GPC5: variants seen among roughly 807,000 people sequenced by gnomAD.
GPC5 encodes glypican-5.
A neutral mutation model predicts 53.9 loss-of-function variants in GPC5; 47 were observed. That is an observed-to-expected ratio of 0.87 (90% CI 0.69 to 1.11). The LOEUF (loss-of-function observed/expected upper bound fraction) is 1.11, where lower values mean the gene tolerates loss of function less well. Among genes scored for constraint, GPC5 ranks in the 50% most tolerant of loss-of-function variants. The probability of loss-of-function intolerance (pLI) is 0.00; values close to 1 mark genes in which losing one functional copy is unlikely to be tolerated. For missense variants in GPC5, 748 were observed against 713.1 expected, an observed-to-expected ratio of 1.05 and a Z score of -0.56; for synonymous variants, 286 against 263.3, an observed-to-expected ratio of 1.09 and a Z score of -0.84.
At chr13:92,292,049 C>T (rs2043000516) in intron 7 of GPC5, among the ~76,000 whole-genome samples, 1 of 152,196 alleles carries the variant, frequency 6.6e-6, no homozygotes, top group Non-Finnish European at 1.5e-5. Flanking sequence ...CAATTCCGGA[C>T]ACATATATAC....
intron 7 of GPC5, among the ~76,000 whole-genome samples, chr13:92,326,435 T>C (rs1350449933): frequency 6.6e-6 from 1 of 152,122 alleles, no homozygotes; most frequent in Non-Finnish European, 1.5e-5. Context: ...CCAGTGTGTA[T>C]ATGTATATGT....
intron 6 of GPC5, among the ~76,000 whole-genome samples, chr13:91,918,236 A>G (rs976805032): frequency 3.9e-5 from 6 of 152,040 alleles, no homozygotes; most frequent in Non-Finnish European, 7.4e-5. Flanking sequence ...CATAAGGGAA[A>G]CCACCCCCAT....
chr13:92,321,633 A>G (rs7994318), intron 7 of GPC5, among the ~76,000 whole-genome samples: 1 of 152,002 alleles, frequency 6.6e-6, no homozygotes, highest in African/African-American at 2.4e-5. Context: ...ACATACATAC[A>G]TACATACATA....
At chr13:91,423,856 T>G (rs2138994877) in intron 1 of GPC5, among the ~76,000 whole-genome samples, 1 of 152,330 alleles carries the variant, frequency 6.6e-6, no homozygotes, top group East Asian at 1.9e-4. Context: ...ATATATATAA[T>G]TACTATTTTT....
At chr13:92,072,569 A>ATTTTTTTTTTT (rs34169387) in intron 6 of GPC5, among the ~76,000 whole-genome samples, 1 of 103,996 alleles carries the variant, frequency 9.6e-6, no homozygotes. Context: ...TGGCCACTAA[A>ATTTTTTTTTTT]TTTTTTTTTT....
intron 5 of GPC5, among the ~76,000 whole-genome samples, chr13:91,822,377 A>G (rs575484220): frequency 6.6e-6 from 1 of 152,330 alleles, no homozygotes; most frequent in Admixed American, 6.5e-5. Context: ...GTCTGAAGCT[A>G]TACATATAGA....
intron 7 of GPC5, among the ~76,000 whole-genome samples, chr13:92,443,817 C>T (rs1877679623): frequency 6.6e-6 from 1 of 152,102 alleles, no homozygotes; most frequent in Admixed American, 6.6e-5. Flanking sequence ...ATAAGGAAGG[C>T]AGGGAAGGGA....
chr13:92,242,936 A>G, intron 7 of GPC5, among the ~76,000 whole-genome samples: 1 of 152,182 alleles, frequency 6.6e-6, no homozygotes, highest in Non-Finnish European at 1.5e-5. Context: ...CTATTCAATA[A>G]TATTCCCAAG....
chr13:92,801,540 T>C (rs1209292668), intron 7 of GPC5, among the ~76,000 whole-genome samples: 1 of 151,740 alleles, frequency 6.6e-6, no homozygotes, highest in East Asian at 1.9e-4. Context: ...TATTTTAGAG[T>C]GTACTCCTTC....
At chr13:91,591,269 T>TC (rs2032788077) in intron 2 of GPC5, among the ~76,000 whole-genome samples, 1 of 152,214 alleles carries the variant, frequency 6.6e-6, no homozygotes, top group African/African-American at 2.4e-5. Context: ...CTTCTTGCTT[T>TC]CATAAATTAT....
intron 2 of GPC5, among the ~76,000 whole-genome samples, chr13:91,572,254 C>T (rs1349483333): frequency 7.2e-6 from 1 of 138,152 alleles, no homozygotes; most frequent in Non-Finnish European, 1.5e-5. Flanking sequence ...TATATATATA[C>T]ACATATGTAT....
At chr13:92,158,627 T>G (rs902127803) in intron 7 of GPC5, among the ~76,000 whole-genome samples, 8 of 152,148 alleles carry the variant, frequency 5.3e-5, no homozygotes, top group Non-Finnish European at 7.4e-5. Flanking sequence ...TTGCCTTTAC[T>G]TCTAAATTTC....
intron 7 of GPC5, among the ~76,000 whole-genome samples, chr13:92,678,045 A>G (rs144012448): frequency 3.3e-5 from 5 of 152,342 alleles, no homozygotes; most frequent in South Asian, 2.1e-4. Flanking sequence ...CAGGTATCCA[A>G]ATAAATGTGT....
chr13:92,322,611 A>G (rs1228338538), intron 7 of GPC5, among the ~76,000 whole-genome samples: 1 of 152,176 alleles, frequency 6.6e-6, no homozygotes, highest in Admixed American at 6.5e-5. Flanking sequence ...CTATGAACAT[A>G]GTAGGCATTC....
chr13:92,478,891 T>C (rs1394498443), intron 7 of GPC5, among the ~76,000 whole-genome samples: 1 of 152,194 alleles, frequency 6.6e-6, no homozygotes, highest in Non-Finnish European at 1.5e-5. Flanking sequence ...TTTTTTGTCC[T>C]ACGAAAGAGT....
intron 7 of GPC5, among the ~76,000 whole-genome samples, chr13:92,229,610 G>A (rs2042515214): frequency 6.6e-6 from 1 of 152,054 alleles, no homozygotes; most frequent in Non-Finnish European, 1.5e-5. Context: ...AGAGAATGTT[G>A]TTTATAGCTT....
chr13:92,656,145 A>G (rs1389507197), intron 7 of GPC5, among the ~76,000 whole-genome samples: 1 of 152,192 alleles, frequency 6.6e-6, no homozygotes, highest in Non-Finnish European at 1.5e-5. Flanking sequence ...ATTGGGAAGC[A>G]ACAGGATAAA....
chr13:92,292,880 A>C (rs2043007630), intron 7 of GPC5, among the ~76,000 whole-genome samples: 2 of 152,112 alleles, frequency 1.3e-5, no homozygotes, highest in South Asian at 4.1e-4. Flanking sequence ...ATTCTCCTAC[A>C]TGTGGCTAGC....
At position 91,908,058 on chromosome 13, in the gene GPC5, G is replaced by C; in HGVS notation, c.1401+1G>C. The C allele has an allele frequency of 1.3e-6, 2 of 1,563,532 alleles. No homozygotes were observed. The highest frequency in any genetic ancestry group is 1.7e-6 in the Non-Finnish European group (2 of 1,162,910). ...TGATAAACTGAAGCATGTTGTTCAG[G>C]TAAGTCCTGATCCTATATTTATTAG... On this transcript the variant is annotated splice_donor_variant, in intron 6 of 7. Coordinates refer to ENST00000377067, the MANE Select transcript of GPC5 (RefSeq NM_004466.6). LOFTEE classifies it high-confidence loss of function.
Sources: gnomAD v4.1 joint callset for allele counts (sites outside exome capture counted in the v4.1 genomes callset) on GRCh38, gnomAD v4.1.1 for gene constraint, MANE v1.5 for transcripts, NCBI Gene and HGNC (gene_info 2026-07-23, HGNC 2026-07-21) for gene names.